The following ATP6V0A4 variants were observed in gnomAD, a reference collection of about 807,000 sequenced individuals.
ATP6V0A4 encodes ATPase H+ transporting V0 subunit a4.
Under a neutral mutation model 107.3 loss-of-function variants are expected in ATP6V0A4, and 86 were observed. That is an observed-to-expected ratio of 0.80 (90% CI 0.67 to 0.96). ATP6V0A4 has a LOEUF of 0.96. Among genes scored for constraint, ATP6V0A4 ranks in the 40% least tolerant of loss-of-function variants. The pLI is 0.00. For missense variants in ATP6V0A4, 908 were observed against 1,045.6 expected (o/e 0.87, Z 1.81); for synonymous variants, 353 against 381.4 (o/e 0.93, Z 0.87).
intron 20 of ATP6V0A4, among the ~76,000 whole-genome samples, chr7:138,713,781 G>A (rs1345549054): frequency 5.9e-5 from 9 of 152,016 alleles, no homozygotes; most frequent in African/African-American, 1.4e-4. Flanking sequence ...ACACAGAGGG[G>A]CCCAGGGAGT....
chr7:138,797,697 AG>A (rs1248565483), intron 1 of ATP6V0A4, among the ~76,000 whole-genome samples: 1 of 152,120 alleles, frequency 6.6e-6, no homozygotes, highest in Non-Finnish European at 1.5e-5. Flanking sequence ...GTGGGTGCTC[AG>A]TGAATATTGG....
At chr7:138,739,993 C>T (rs1296498864) in intron 14 of ATP6V0A4, among the ~76,000 whole-genome samples, 1 of 151,186 alleles carries the variant, frequency 6.6e-6, no homozygotes, top group African/African-American at 2.4e-5. Context: ...ACTTGGGAGG[C>T]TGAGGCAGGA....
At chr7:138,769,069 T>C in intron 4 of ATP6V0A4, 104 bp downstream of exon 4, 4 of 1,587,724 alleles carry the variant, frequency 2.5e-6, no homozygotes, top group Admixed American at 1.7e-5. Flanking sequence ...CCTCAAAAAG[T>C]ATTGCAAATA....
chr7:138,745,883 G>A (rs561180758), intron 13 of ATP6V0A4, among the ~76,000 whole-genome samples: 81 of 133,376 alleles, frequency 6.1e-4, no homozygotes, highest in African/African-American at 2.1e-3. Context: ...GGCGGAGGTT[G>A]CAGTGAGCTG....
intron 9 of ATP6V0A4, 63 bp downstream of exon 9, chr7:138,756,395 G>A (rs1806514093): frequency 1.9e-6 from 3 of 1,593,140 alleles, no homozygotes; most frequent in Non-Finnish European, 2.6e-6. Flanking sequence ...ATTTGGCATT[G>A]CACATCTCTT....
chr7:138,714,394 C>G lies in ATP6V0A4; in HGVS notation c.2257+1370G>C, dbSNP rs74786771. ...TGAGTTGGTGAGTCATGATTCCTGA[C>G]GTTAGGCAACCCCAGGGGCTCGGAT... On this transcript the variant is annotated intron_variant, in intron 20 of 21. Transcript: ENST00000310018. 4.2e-3 allele frequency among the ~76,000 whole-genome samples: 637 copies of G among 152,092 alleles called. 9 individuals carry two copies. The highest frequency in any genetic ancestry group is 0.015 in the African/African-American group (613 of 41,506).
chr7:138,734,011 G>A, intron 16 of ATP6V0A4, 125 bp downstream of exon 16: 1 of 1,114,998 alleles, frequency 9.0e-7, no homozygotes, highest in South Asian at 1.3e-5. Flanking sequence ...CAGATGCCCA[G>A]GGAAGTACCC....
At chr7:138,718,181 G>C (rs1329932361) in intron 19 of ATP6V0A4, among the ~76,000 whole-genome samples, 4 of 126,058 alleles carry the variant, frequency 3.2e-5, no homozygotes, top group Non-Finnish European at 6.8e-5. Context: ...TCTGTGGAGG[G>C]AGACGTCCAG....
intron 5 of ATP6V0A4, among the ~76,000 whole-genome samples, chr7:138,768,417 A>C (rs562298967): frequency 6.6e-6 from 1 of 152,116 alleles, no homozygotes; most frequent in Non-Finnish European, 1.5e-5. Context: ...CCCACCAGAG[A>C]ATTAGAAAAC....
chr7:138,730,935 T>TCTTCTTCTTCTTCTTC (rs1562988453), intron 17 of ATP6V0A4, among the ~76,000 whole-genome samples: 5 of 138,518 alleles, frequency 3.6e-5, no homozygotes, highest in African/African-American at 1.6e-4. Flanking sequence ...CTTCTTCTTT[T>TCTTCTTCTTCTTCTTC]TTTATTTTTT....
At chr7:138,789,321 C>T (rs1808303754) in intron 1 of ATP6V0A4, among the ~76,000 whole-genome samples, 1 of 151,888 alleles carries the variant, frequency 6.6e-6, no homozygotes, top group Non-Finnish European at 1.5e-5. Context: ...AATCTCGGCT[C>T]ACTGCAAACT....
chr7:138,782,855 G>A (rs1005204274), intron 2 of ATP6V0A4, among the ~76,000 whole-genome samples: 6 of 152,102 alleles, frequency 3.9e-5, no homozygotes, highest in South Asian at 2.1e-4. Context: ...CAGTTGGATC[G>A]CCTGAGGTCA....
chr7:138,715,924 T>C, intron 19 of ATP6V0A4, 43 bp from the exon 20 acceptor site: 1 of 1,606,736 alleles, frequency 6.2e-7, no homozygotes, highest in Non-Finnish European at 8.5e-7. Flanking sequence ...GAGAATTTTC[T>C]ACACAAAAGT....
At position 138,790,554 on chromosome 7, in the gene ATP6V0A4, CA is replaced by C. The variant is rs1452775705; in HGVS notation, c.-120-4295del. Among the ~76,000 whole-genome samples, 3 of 152,192 alleles carry C rather than the reference CA, an allele frequency of 2.0e-5. No homozygotes were observed. In the East Asian group the frequency reaches 5.8e-4, roughly 29 times the overall value. On this transcript the variant is annotated intron_variant, in intron 1 of 21. Transcript: ENST00000310018. ...AGGTGATCAGCCCACCTTGGCCTTC[CA>C]AAATGCTGGGATTTTAGGTGTGAGC...
At chr7:138,708,741 C>T (rs954068179) in intron 21 of ATP6V0A4, among the ~76,000 whole-genome samples, 1 of 152,162 alleles carries the variant, frequency 6.6e-6, no homozygotes, top group African/African-American at 2.4e-5. Flanking sequence ...ATTTTCATAC[C>T]TTGTTGGTAT....
At chr7:138,797,819 A>G (rs1315354815) in intron 1 of ATP6V0A4, 9 of 526,334 alleles carry the variant, frequency 1.7e-5, no homozygotes, top group East Asian at 1.5e-4. Context: ...TTGTTTCTCA[A>G]TAAGGACAAT....
intron 16 of ATP6V0A4, among the ~76,000 whole-genome samples, chr7:138,733,356 A>C (rs1805128469): frequency 6.6e-6 from 1 of 152,042 alleles, no homozygotes; most frequent in Non-Finnish European, 1.5e-5. Context: ...GTCTAAAGCA[A>C]AGGTCATGCC....
At chr7:138,778,542 C>T (rs1007555903) in intron 2 of ATP6V0A4, among the ~76,000 whole-genome samples, 40 of 152,112 alleles carry the variant, frequency 2.6e-4, no homozygotes, top group African/African-American at 8.2e-4. Flanking sequence ...CTGTATATTC[C>T]GGACTCAGTG....
chr7:138,752,587 G>A (rs780392360), intron 11 of ATP6V0A4, 38 bp downstream of exon 11: 1 of 1,609,988 alleles, frequency 6.2e-7, no homozygotes, highest in African/African-American at 1.3e-5. Context: ...CAGAGGGGCT[G>A]ACTCATCGGA....
Sources: allele counts gnomAD v4.1 joint callset (sites outside exome capture counted in the v4.1 genomes callset), GRCh38; gene constraint gnomAD v4.1.1; transcripts MANE v1.5; gene names NCBI Gene and HGNC (gene_info 2026-07-23, HGNC 2026-07-21).